The following UHRF2 variants were observed in gnomAD, a reference collection of about 807,000 sequenced individuals.
The protein encoded by UHRF2 is ubiquitin like with PHD and ring finger domains 2.
A neutral mutation model predicts 96.8 loss-of-function variants in UHRF2; 23 were observed. The ratio of observed to expected loss-of-function variants is 0.24; its 90% CI spans 0.17 to 0.34. The LOEUF (loss-of-function observed/expected upper bound fraction) is 0.34. Ranked by LOEUF, UHRF2 falls within the 10% of genes least tolerant of loss-of-function variation. The pLI, the probability that UHRF2 is intolerant of heterozygous loss-of-function variation, is 1.00. For missense variants in UHRF2, 685 were observed against 981.5 expected (o/e 0.70, Z 4.04); for synonymous variants, 385 against 332.6 (o/e 1.16, Z -1.72).
intron 4 of UHRF2, among the ~76,000 whole-genome samples, chr9:6,463,108 C>T (rs140189289): frequency 5.7e-4 from 86 of 152,182 alleles, no homozygotes; most frequent in African/African-American, 1.9e-3. Flanking sequence ...TAGTGAAACC[C>T]TGTCTCCACT....
intron 4 of UHRF2, among the ~76,000 whole-genome samples, chr9:6,474,869 G>A (rs1380352458): frequency 6.6e-6 from 1 of 152,190 alleles, no homozygotes; most frequent in Admixed American, 6.5e-5. Context: ...TTTTTGCCTA[G>A]AAATTATATT....
At chr9:6,430,982 C>T (rs576830584) in intron 2 of UHRF2, among the ~76,000 whole-genome samples, 1 of 152,308 alleles carries the variant, frequency 6.6e-6, no homozygotes, top group South Asian at 2.1e-4. Flanking sequence ...CTTTTGTCTG[C>T]TATTTTGCTA....
chr9:6,500,473 T>C, intron 13 of UHRF2, 79 bp from the exon 14 acceptor site: 1 of 1,231,630 alleles, frequency 8.1e-7, no homozygotes, highest in East Asian at 2.5e-5. Flanking sequence ...ACATTACTTG[T>C]GCCAGTTAAC....
chr9:6,414,355 G>A (rs1419207461), intron 1 of UHRF2, among the ~76,000 whole-genome samples: 1 of 152,212 alleles, frequency 6.6e-6, no homozygotes, highest in Non-Finnish European at 1.5e-5. Flanking sequence ...TTCCCGAAGT[G>A]AAAAGGAGTG....
intron 2 of UHRF2, among the ~76,000 whole-genome samples, chr9:6,425,183 A>C (rs954149677): frequency 1.1e-4 from 16 of 152,208 alleles, no homozygotes; most frequent in African/African-American, 3.9e-4. Context: ...AGTATCTACA[A>C]AAAATTATTT....
intron 4 of UHRF2, among the ~76,000 whole-genome samples, chr9:6,466,105 A>C (rs1411547580): frequency 1.3e-5 from 2 of 152,230 alleles, no homozygotes; most frequent in African/African-American, 4.8e-5. Context: ...TACCTTATTA[A>C]AACTACAGAT....
chr9:6,474,799 T>C (rs1385408329), intron 4 of UHRF2, among the ~76,000 whole-genome samples: 2 of 152,160 alleles, frequency 1.3e-5, no homozygotes, highest in African/African-American at 4.8e-5. Context: ...CAAACAAATA[T>C]GAATTGAGTC....
In UHRF2 at chr9:6,434,013, A is replaced by G; in HGVS notation, c.484A>G (p.Lys162Glu). The G allele has an allele frequency of 6.2e-7, 1 of 1,614,166 alleles. No individual in the cohort carries two copies. Among genetic ancestry groups the G allele is most frequent in the Non-Finnish European group, 8.5e-7 (1 of 1,180,040 alleles). Residue 162 changes from lysine (K) to glutamate (E), a missense_variant, in exon 3 of 16, where the codon AAA (lysine) becomes GAA (glutamate). This residue lies in a region of UHRF2 where 391 missense variants were observed against 437.0 expected (regional missense o/e 0.89). Transcript: ENST00000276893. ...AGCTTCTGATGGACAGTCACGTGGC[A>G]AAACTCCACTGAAGAATGGCAGTTC... ...TRASDGQSRGKTPLKNGSSCK... is the reference protein window; with the variant it reads ...TRASDGQSRGETPLKNGSSCK...
intron 3 of UHRF2, among the ~76,000 whole-genome samples, chr9:6,454,131 G>C (rs1822047459): frequency 6.6e-6 from 1 of 152,184 alleles, no homozygotes; most frequent in African/African-American, 2.4e-5. Flanking sequence ...CGTTTTACGG[G>C]TTAGGAATAT....
chr9:6,463,800 A>T (rs934094344), intron 4 of UHRF2, among the ~76,000 whole-genome samples: 4 of 152,062 alleles, frequency 2.6e-5, no homozygotes, highest in African/African-American at 9.7e-5. Context: ...AATGATTAGA[A>T]ATCTTTCATC....
At chr9:6,458,341 C>G (rs943516507) in intron 3 of UHRF2, among the ~76,000 whole-genome samples, 9 of 151,854 alleles carry the variant, frequency 5.9e-5, no homozygotes, top group Admixed American at 5.9e-4. Context: ...TGGTGATATC[C>G]CCTTTATCAT....
At chr9:6,499,696 C>A in intron 12 of UHRF2, 139 bp from the exon 13 acceptor site, 1 of 493,198 alleles carries the variant, frequency 2.0e-6, no homozygotes, top group Non-Finnish European at 3.7e-6. Context: ...CTTTAAATGT[C>A]TGTTTCTTTT....
At chr9:6,477,058 C>T (rs1043826646) in intron 5 of UHRF2, among the ~76,000 whole-genome samples, 1 of 152,012 alleles carries the variant, frequency 6.6e-6, no homozygotes, top group Admixed American at 6.6e-5. Flanking sequence ...CCTGGTGAAA[C>T]CCTGTCTCTA....
chr9:6,458,717 G>T (rs1822331803), intron 3 of UHRF2, among the ~76,000 whole-genome samples: 1 of 152,142 alleles, frequency 6.6e-6, no homozygotes. Context: ...TTACTGGGTG[G>T]TGTATACCCA....
At chr9:6,413,951 C>T (rs558808080) in intron 1 of UHRF2, 1 of 227,890 alleles carries the variant, frequency 4.4e-6, no homozygotes, top group Admixed American at 5.8e-5. Context: ...CCAGGTCCCT[C>T]GCTTCCCGCG....
intron 3 of UHRF2, among the ~76,000 whole-genome samples, chr9:6,445,412 C>T (rs1414718660): frequency 6.6e-6 from 1 of 152,040 alleles, no homozygotes; most frequent in Non-Finnish European, 1.5e-5. Context: ...CAGGGGCATT[C>T]CACCACATTC....
chr9:6,501,517 CATT>C (rs1816292363), intron 14 of UHRF2, among the ~76,000 whole-genome samples: 1 of 152,056 alleles, frequency 6.6e-6, no homozygotes. Context: ...GAGAAATAGT[CATT>C]ATTATTAAGG....
At chr9:6,501,019 G>A (rs1004114034) in intron 14 of UHRF2, among the ~76,000 whole-genome samples, 4 of 152,170 alleles carry the variant, frequency 2.6e-5, no homozygotes, top group African/African-American at 9.7e-5. Flanking sequence ...CACCACGAAA[G>A]TTTTTGTTAC....
intron 14 of UHRF2, among the ~76,000 whole-genome samples, chr9:6,503,520 C>G (rs1816415058): frequency 6.6e-6 from 1 of 151,928 alleles, no homozygotes; most frequent in Non-Finnish European, 1.5e-5. Context: ...TAATTTCCTC[C>G]TACTGTAAAT....
Sources: allele counts gnomAD v4.1 joint callset (sites outside exome capture counted in the v4.1 genomes callset), GRCh38; gene constraint gnomAD v4.1.1; regional missense constraint gnomAD v4.1.1; transcripts MANE v1.5; gene names NCBI Gene and HGNC (gene_info 2026-07-23, HGNC 2026-07-21).